The following RIN3 variants were observed in gnomAD, a reference collection of about 807,000 sequenced individuals.
RIN3 encodes Ras and Rab interactor 3, also known as RAB5 interacting protein 3.
Under a neutral mutation model 76.3 loss-of-function variants are expected in RIN3, and 54 were observed. The ratio of observed to expected loss-of-function variants is 0.71; its 90% CI spans 0.57 to 0.89. RIN3 has a LOEUF of 0.89. RIN3 is among the 40% of genes least tolerant of loss of function. The probability of loss-of-function intolerance (pLI) is 0.00; values close to 1 mark genes in which losing one functional copy is unlikely to be tolerated. For synonymous variants in RIN3, 576 were observed against 564.0 expected, an observed-to-expected ratio of 1.02 and a Z score of -0.30; for missense variants, 1,256 against 1,322.1, an observed-to-expected ratio of 0.95 and a Z score of 0.78.
chr14:92,655,382 G>C (rs1049380564), intron 6 of RIN3, among the ~76,000 whole-genome samples: 7 of 152,170 alleles, frequency 4.6e-5, no homozygotes, highest in African/African-American at 1.7e-4. Flanking sequence ...GAGAGACAAA[G>C]GGAGAGAGAG....
chr14:92,674,539 G>A (rs942062), intron 7 of RIN3, among the ~76,000 whole-genome samples: 43,223 of 151,820 alleles, frequency 0.28, 7,077 homozygotes, highest in Non-Finnish European at 0.36. Context: ...GGAAGTCAAG[G>A]TTGCAAGTGA....
intron 1 of RIN3, among the ~76,000 whole-genome samples, chr14:92,532,785 C>T (rs1896914136): frequency 6.6e-6 from 1 of 152,208 alleles, no homozygotes; most frequent in Admixed American, 6.5e-5. Flanking sequence ...GAGATTCCTG[C>T]CCTCTTGCTC....
At position 92,643,537 on chromosome 14, in the gene RIN3, C is replaced by T. The variant is rs147701467; in HGVS notation, c.532+2208C>T. On this transcript the variant is annotated intron_variant, in intron 5 of 9. Coordinates refer to ENST00000216487, the MANE Select transcript of RIN3 (RefSeq NM_024832.5). The surrounding 1 kb of genome is among the most constrained non-coding windows in gnomAD (Gnocchi z 4.8). ...ACAGGTGACAGTTTTGTAATTTGCA[C>T]TTTTGTAAGGTGCAGATGACCTCCC... Among the ~76,000 whole-genome samples the T allele has an allele frequency of 6.6e-6, 1 of 152,228 alleles. No individual in the cohort carries two copies. The highest frequency in any genetic ancestry group is 1.9e-4 in the East Asian group (1 of 5,202).
chr14:92,557,937 G>T (rs1897643581), intron 2 of RIN3, among the ~76,000 whole-genome samples: 1 of 152,246 alleles, frequency 6.6e-6, no homozygotes, highest in Admixed American at 6.5e-5. Context: ...TGCAGGGCAG[G>T]TGTGTGGATG....
chr14:92,553,376 A>G (rs1897489230), intron 1 of RIN3, among the ~76,000 whole-genome samples: 2 of 152,094 alleles, frequency 1.3e-5, no homozygotes, highest in South Asian at 2.1e-4. Flanking sequence ...TTTCTGGGAA[A>G]TTCAGACCTC....
In RIN3 at chr14:92,687,947, C is replaced by A. The variant is rs755543166; in HGVS notation, c.2653C>A (p.Leu885Met). ...SVQDFICVSYLEPEQQARTLA... is the reference protein window; with the variant it reads ...SVQDFICVSYMEPEQQARTLA... Reference sequence around the variant, plus strand: ...GCAGGACTTCATCTGCGTGTCGTACCTGGAGCCCGAGCAGCAGGCGCGGAC... The same window carrying A: ...GCAGGACTTCATCTGCGTGTCGTACATGGAGCCCGAGCAGCAGGCGCGGAC... The change falls in exon 10 of 10, where the codon CTG becomes ATG. Residue 885 changes from leucine (L) to methionine (M), a missense_variant. This residue lies in a region of RIN3 where 218 missense variants were observed against 174.5 expected (regional missense o/e 1.25). Transcript: ENST00000216487. 2.6e-5 allele frequency: 40 copies of A among 1,550,634 alleles called. 1 individual carries two copies. The South Asian group carries it at 4.5e-4, about 17-fold the overall frequency.
At chr14:92,545,666 A>G (rs1897245503) in intron 1 of RIN3, among the ~76,000 whole-genome samples, 1 of 144,950 alleles carries the variant, frequency 6.9e-6, no homozygotes, top group Non-Finnish European at 1.5e-5. Context: ...CTGCAGCCTC[A>G]ATCTCCCCGG....
Position 92,646,634 on chromosome 14 carries a change from T to TAGAGGGGC in RIN3, c.533-4948_533-4947insAGAGGGGC, listed in dbSNP as rs1887210320. 3.3e-5 allele frequency among the ~76,000 whole-genome samples: 5 copies of TAGAGGGGC among 152,274 alleles called. No individual in the cohort carries two copies. The South Asian group carries it at 1.0e-3, about 32-fold the overall frequency. On this transcript the variant is annotated intron_variant, in intron 5 of 9. Transcript: ENST00000216487. Reference sequence around the variant, plus strand: ...TTTGTATTTTTAGTAGAGATGGAGTTTCACCATGTTGACCAGGCTGGTCTT... The same window carrying TAGAGGGGC: ...TTTGTATTTTTAGTAGAGATGGAGTTAGAGGGGCTCACCATGTTGACCAGGCTGGTCTT...
rs148082115 is a variant in RIN3, at chr14:92,577,376, G to C, written c.266G>C (p.Arg89Pro). The C allele has an allele frequency of 6.2e-7, 1 of 1,613,034 alleles. No homozygotes were observed. The highest frequency in any genetic ancestry group is 1.1e-5 in the South Asian group (1 of 90,964). ...RVVAGMFLVR[R>P]DSSSKQLVLC... The stretch of plus-strand genomic sequence containing the variant: ...TGGTTTCAGATGTTCCTGGTTCGCC[G>C]GGACAGCAGCTCGAAGCAGCTGGTG... Residue 89 changes from arginine to proline, a missense_variant, in exon 3 of 10, where the codon CGG (arginine) becomes CCG (proline). Arg to Pro is a moderately radical substitution (Grantham distance 103, BLOSUM62 -2). This residue lies in a region of RIN3 where 610 missense variants were observed against 626.4 expected (regional missense o/e 0.97). Coordinates refer to ENST00000216487, the MANE Select transcript of RIN3 (RefSeq NM_024832.5).
At chr14:92,687,143 T>C (rs930698584) in intron 9 of RIN3, 2 of 152,274 alleles carry the variant, frequency 1.3e-5, no homozygotes, top group Non-Finnish European at 2.9e-5. Context: ...GGGCCGGAGC[T>C]TCCAGCGCCT....
Position 92,582,897 on chromosome 14 carries a change from C to G in RIN3, c.367+5420C>G, listed in dbSNP as rs28574273. ...TGTGCCGCTCCTGCCTCTTTGCTCTCTTCCTGTTTGATGCCCTCCTCCTTG... is the reference window on the plus strand; with the variant it reads ...TGTGCCGCTCCTGCCTCTTTGCTCTGTTCCTGTTTGATGCCCTCCTCCTTG... On this transcript the variant is annotated intron_variant, in intron 3 of 9. Coordinates refer to ENST00000216487, the MANE Select transcript of RIN3 (RefSeq NM_024832.5). 6.6e-5 allele frequency among the ~76,000 whole-genome samples: 10 copies of G among 152,332 alleles called. No individual in the cohort carries two copies. The East Asian group carries it at 1.7e-3, about 26-fold the overall frequency.
At chr14:92,555,296 T>G (rs1409393817) in intron 1 of RIN3, among the ~76,000 whole-genome samples, 1 of 152,186 alleles carries the variant, frequency 6.6e-6, no homozygotes, top group Non-Finnish European at 1.5e-5. Flanking sequence ...TTCTGTTACA[T>G]TTATACTTGT....
chr14:92,568,073 C>T lies in RIN3; in HGVS notation c.250-9287C>T, dbSNP rs150883348. Among the ~76,000 whole-genome samples, 407 of 152,220 alleles carry T rather than the reference C, an allele frequency of 2.7e-3. 3 individuals carry two copies. Among genetic ancestry groups the T allele is most frequent in the African/African-American group, 9.2e-3 (383 of 41,518 alleles). On this transcript the variant is annotated intron_variant, in intron 2 of 9. Coordinates refer to ENST00000216487, the MANE Select transcript of RIN3 (RefSeq NM_024832.5). This position sits in a 1 kb window ranked among gnomAD's most constrained non-coding sequence, Gnocchi z 4.2. ...CCAAGAAGTAAAAGTAACTTGCCCA[C>T]GGCTGGTGAGGGGCAGAGGTAGTAT...
chr14:92,651,889 A>ACCCCCCCCCCC lies in RIN3; in HGVS notation c.842_843insCCCCCCCCCCC (p.Pro285HisfsTer58). 1 of 955,650 alleles carries ACCCCCCCCCCC rather than the reference A, an allele frequency of 1.0e-6. No homozygotes were observed. The allele number at this position is 955,650 out of a possible 1,614,324, so 59.2% of individuals were successfully genotyped here. On this transcript the variant is annotated frameshift_variant, in exon 6 of 10. Coordinates refer to ENST00000216487, the MANE Select transcript of RIN3 (RefSeq NM_024832.5). LOFTEE classifies it high-confidence loss of function. ...CCTCCAGGTGGGCCCCACGCCGCCC[A>ACCCCCCCCCCC]CCACCCCCTCCCCCAGTGCTGCCCC...
At chr14:92,529,998 G>C (rs751477495) in intron 1 of RIN3, among the ~76,000 whole-genome samples, 76 of 152,332 alleles carry the variant, frequency 5.0e-4, no homozygotes, top group Middle Eastern at 6.8e-3. Context: ...CCAGACGCTT[G>C]CAGGAACCTA....
intron 3 of RIN3, among the ~76,000 whole-genome samples, chr14:92,583,921 G>T (rs967131830): frequency 6.6e-5 from 10 of 152,174 alleles, no homozygotes; most frequent in Non-Finnish European, 1.2e-4. Flanking sequence ...TAGGGTTCTT[G>T]CTCCTATGAG....
chr14:92,529,199 A>G (rs542411964), intron 1 of RIN3, among the ~76,000 whole-genome samples: 9 of 152,232 alleles, frequency 5.9e-5, no homozygotes, highest in African/African-American at 1.4e-4. Flanking sequence ...TGTGTTTGCA[A>G]ATCAGCTTAC....
intron 1 of RIN3, among the ~76,000 whole-genome samples, chr14:92,529,527 C>CAGG (rs1896830629): frequency 6.6e-6 from 1 of 150,820 alleles, no homozygotes. Context: ...GGATTACAGG[C>CAGG]GTGAGCCACC....
intron 3 of RIN3, among the ~76,000 whole-genome samples, chr14:92,584,182 C>T (rs1379647500): frequency 6.6e-6 from 1 of 152,188 alleles, no homozygotes; most frequent in Non-Finnish European, 1.5e-5. Flanking sequence ...AAACCAACCC[C>T]CCACAGATAC....
Sources: gnomAD v4.1 joint callset for allele counts (sites outside exome capture counted in the v4.1 genomes callset) on GRCh38, gnomAD v4.1.1 for gene constraint, gnomAD v4.1.1 regional missense constraint, Gnocchi (gnomAD v3.1) non-coding constraint, MANE v1.5 for transcripts, NCBI Gene and HGNC (gene_info 2026-07-23, HGNC 2026-07-21) for gene names.